The following PCDH11X variants were observed in gnomAD, a reference collection of about 807,000 sequenced individuals.
PCDH11X encodes protocadherin 11 X-linked.
Under a neutral mutation model 53.3 loss-of-function variants are expected in PCDH11X, and 18 were observed. That is an observed-to-expected ratio of 0.34 (90% CI 0.23 to 0.50). The LOEUF (loss-of-function observed/expected upper bound fraction) is 0.50. Among genes scored for constraint, PCDH11X ranks in the 20% least tolerant of loss-of-function variants. The probability of loss-of-function intolerance (pLI) is 0.98; values close to 1 mark genes in which losing one functional copy is unlikely to be tolerated. For missense variants in PCDH11X, 570 were observed against 1,032.4 expected, an observed-to-expected ratio of 0.55 and a Z score of 6.14; for synonymous variants, 279 against 393.3, an observed-to-expected ratio of 0.71 and a Z score of 3.44.
chrX:92,033,624 G>T (rs1184212865), intron 6 of PCDH11X, among the ~76,000 whole-genome samples: 1 of 107,878 alleles, frequency 9.3e-6, no homozygotes, highest in Non-Finnish European at 1.9e-5. Flanking sequence ...CTCTGATTTT[G>T]TATATTTGTG....
At chrX:92,595,343 A>G (rs1925479921) in intron 10 of PCDH11X, among the ~76,000 whole-genome samples, 1 of 110,974 alleles carries the variant, frequency 9.0e-6, no homozygotes, top group African/African-American at 3.3e-5. Context: ...AAGCATAGAT[A>G]AATCTGTGGC....
chrX:92,242,130 C>G (rs189212033), intron 7 of PCDH11X, among the ~76,000 whole-genome samples: 2 of 109,162 alleles, frequency 1.8e-5, no homozygotes, highest in East Asian at 5.9e-4. Context: ...AGTTCCATCA[C>G]CAAAATGACC....
intron 6 of PCDH11X, among the ~76,000 whole-genome samples, chrX:91,926,400 C>T (rs1452629412): frequency 9.0e-6 from 1 of 111,133 alleles, no homozygotes; most frequent in Non-Finnish European, 1.9e-5. Flanking sequence ...TATGCAAAAA[C>T]ACCCTTCAAG....
At chrX:91,869,160 T>A (rs1939145939) in intron 5 of PCDH11X, among the ~76,000 whole-genome samples, 1 of 110,289 alleles carries the variant, frequency 9.1e-6, no homozygotes, top group African/African-American at 3.3e-5. Flanking sequence ...TTAGGGGTGG[T>A]AGTTTTGAAG....
chrX:91,997,853 G>A (rs2062445574), intron 6 of PCDH11X, among the ~76,000 whole-genome samples: 1 of 109,548 alleles, frequency 9.1e-6, no homozygotes, highest in Non-Finnish European at 1.9e-5. Context: ...TGTTCCTGGT[G>A]TTTTCTTTGT....
At chrX:92,383,348 T>G (rs192442724) in intron 8 of PCDH11X, among the ~76,000 whole-genome samples, 102 of 107,743 alleles carry the variant, frequency 9.5e-4, no homozygotes, top group African/African-American at 3.4e-3. Flanking sequence ...TAATTATACT[T>G]AAGTTTTGGG....
Position 92,041,962 on chromosome X carries a change from C to T in PCDH11X, c.3034-159413C>T, listed in dbSNP as rs1158685799. Among the ~76,000 whole-genome samples, 16 of 111,874 alleles carry T rather than the reference C, an allele frequency of 1.4e-4. No homozygotes were observed. The South Asian group carries it at 5.9e-3, about 41-fold the overall frequency. On this transcript the variant is annotated intron_variant, in intron 6 of 10. Transcript: ENST00000682573. ...CTAGCCTGGGTGACAGAGCGAGACTCCGTCTCAAAAAAACAAAAAAATAGC... is the reference window on the plus strand; with the variant it reads ...CTAGCCTGGGTGACAGAGCGAGACTTCGTCTCAAAAAAACAAAAAAATAGC...
chrX:92,348,363 C>T (rs1410158657), intron 8 of PCDH11X, among the ~76,000 whole-genome samples: 1 of 110,106 alleles, frequency 9.1e-6, no homozygotes, highest in Non-Finnish European at 1.9e-5. Flanking sequence ...GGATTCTAAT[C>T]CTGGTCTATC....
intron 8 of PCDH11X, among the ~76,000 whole-genome samples, chrX:92,278,490 G>C (rs185906149): frequency 9.0e-6 from 1 of 110,530 alleles, no homozygotes; most frequent in African/African-American, 3.3e-5. Flanking sequence ...GGATGGGGCC[G>C]TTTTATAGGA....
At chrX:92,518,690 AG>A (rs2074310572) in intron 10 of PCDH11X, among the ~76,000 whole-genome samples, 1 of 110,344 alleles carries the variant, frequency 9.1e-6, no homozygotes, top group Non-Finnish European at 1.9e-5. Flanking sequence ...GCAAAAGAAA[AG>A]TTCCCTAGAT....
At chrX:92,255,930 G>A (rs767687966) in intron 7 of PCDH11X, among the ~76,000 whole-genome samples, 132 of 112,631 alleles carry the variant, frequency 1.2e-3, no homozygotes, top group Non-Finnish European at 2.0e-3. Flanking sequence ...TACAGAGGCA[G>A]GCAGGCCTCC....
At chrX:92,004,882 T>C (rs989819965) in intron 6 of PCDH11X, among the ~76,000 whole-genome samples, 1 of 105,827 alleles carries the variant, frequency 9.4e-6, no homozygotes. Context: ...TTCACGCCAT[T>C]CTCCTGCCTC....
At position 92,309,804 on chromosome X, in the gene PCDH11X, C is replaced by T. The variant is rs181116098; in HGVS notation, c.3144+46661C>T. Among the ~76,000 whole-genome samples the T allele has an allele frequency of 9.0e-5, 10 of 111,340 alleles. No homozygotes were observed. In the East Asian group the frequency reaches 1.7e-3, roughly 19 times the overall value. ...TTTCTAGTGGTGCATCTCTCACTGCCGGAGACATTTCCCCCAAGCCAGTGA... is the reference window on the plus strand; with the variant it reads ...TTTCTAGTGGTGCATCTCTCACTGCTGGAGACATTTCCCCCAAGCCAGTGA... On this transcript the variant is annotated intron_variant, in intron 8 of 10. Transcript: ENST00000682573.
intron 6 of PCDH11X, among the ~76,000 whole-genome samples, chrX:91,890,301 T>C (rs1048981006): frequency 3.6e-5 from 4 of 111,491 alleles, no homozygotes; most frequent in African/African-American, 1.3e-4. Flanking sequence ...TACAATGTTA[T>C]TGTCCCCTTT....
At chrX:91,785,953 G>C (rs1005212737) in intron 1 of PCDH11X, among the ~76,000 whole-genome samples, 5 of 111,748 alleles carry the variant, frequency 4.5e-5, no homozygotes, top group Non-Finnish European at 7.5e-5. Flanking sequence ...AACTATTTTA[G>C]GGTGAAACTG....
chrX:92,367,047 T>A (rs2070490977), intron 8 of PCDH11X, among the ~76,000 whole-genome samples: 1 of 107,411 alleles, frequency 9.3e-6, no homozygotes, highest in African/African-American at 3.4e-5. Flanking sequence ...CCTGAATACT[T>A]TGTTAATTTT....
chrX:92,014,383 C>G (rs1382639602), intron 6 of PCDH11X, among the ~76,000 whole-genome samples: 3 of 110,375 alleles, frequency 2.7e-5, no homozygotes, highest in Admixed American at 9.7e-5. Flanking sequence ...AGTCAGGAAA[C>G]AACAGGTGCT....
At chrX:92,290,623 T>G (rs1319608693) in intron 8 of PCDH11X, among the ~76,000 whole-genome samples, 2 of 111,870 alleles carry the variant, frequency 1.8e-5, no homozygotes, top group East Asian at 5.6e-4. Flanking sequence ...AAAATGTGTT[T>G]AATATTTTGC....
chrX:91,924,365 C>G (rs895637811), intron 6 of PCDH11X, among the ~76,000 whole-genome samples: 1 of 110,968 alleles, frequency 9.0e-6, no homozygotes, highest in Non-Finnish European at 1.9e-5. Context: ...TCTCTAGAAA[C>G]TGGAAATGGA....
Sources: gnomAD v4.1 joint callset for allele counts (sites outside exome capture counted in the v4.1 genomes callset) on GRCh38, gnomAD v4.1.1 for gene constraint, MANE v1.5 for transcripts, NCBI Gene and HGNC (gene_info 2026-07-23, HGNC 2026-07-21) for gene names.